The following PCNX2 variants were observed in gnomAD, a reference collection of about 807,000 sequenced individuals.
The protein encoded by PCNX2 is pecanex-like protein 2.
Under a neutral mutation model 223.8 loss-of-function variants are expected in PCNX2, and 168 were observed. The observed-to-expected ratio is 0.75, with a 90% CI of 0.66 to 0.85. The LOEUF is 0.85. PCNX2 is among the 40% of genes least tolerant of loss of function. The pLI is 0.00. For synonymous variants in PCNX2, 1,006 were observed against 1,052.6 expected, an observed-to-expected ratio of 0.96 and a Z score of 0.86; for missense variants, 2,507 against 2,675.5, an observed-to-expected ratio of 0.94 and a Z score of 1.39.
In PCNX2 at chr1:233,295,418, A is replaced by T; in HGVS notation, c.61T>A (p.Trp21Arg). 2 of 1,552,462 alleles carry T rather than the reference A, an allele frequency of 1.3e-6. No individual in the cohort carries two copies. The highest frequency in any genetic ancestry group is 1.7e-6 in the Non-Finnish European group (2 of 1,147,522). Residue 21 changes from tryptophan (W) to arginine (R), a missense_variant, in exon 1 of 34, where the codon TGG becomes AGG. Physicochemically the swap from Trp to Arg is moderately radical, Grantham distance 101. Coordinates refer to ENST00000258229, the MANE Select transcript of PCNX2 (RefSeq NM_014801.4). This position sits in a 1 kb window ranked among gnomAD's most constrained non-coding sequence, Gnocchi z 4.1. ...TTGCTCTGCTCCGGGTCGTGGTACC[A>T]GCCCCCGGTGAGCGCGGCCCACACG... is the stretch of plus-strand genomic sequence containing the variant. ...QGVWAALTGG[W>R]YHDPEQSKFT... is the part of the protein sequence containing the mutation.
intron 21 of PCNX2, among the ~76,000 whole-genome samples, chr1:233,132,271 G>A (rs771528434): frequency 5.9e-5 from 9 of 152,006 alleles, no homozygotes; most frequent in Non-Finnish European, 1.0e-4. Context: ...CCTAGATCAC[G>A]TCCTTGTCAG....
intron 23 of PCNX2, among the ~76,000 whole-genome samples, chr1:233,063,218 A>G (rs1202690755): frequency 6.6e-6 from 1 of 151,996 alleles, no homozygotes; most frequent in Non-Finnish European, 1.5e-5. Context: ...CCTGGGAGAC[A>G]GAGCAAGACT....
At chr1:233,194,268 A>G (rs1034388846) in intron 15 of PCNX2, among the ~76,000 whole-genome samples, 6 of 152,172 alleles carry the variant, frequency 3.9e-5, no homozygotes, top group Admixed American at 2.0e-4. Flanking sequence ...AGGGGAAAAA[A>G]GCTTTTAAGC....
intron 12 of PCNX2, among the ~76,000 whole-genome samples, chr1:233,211,574 A>T (rs1213999048): frequency 6.6e-6 from 1 of 152,154 alleles, no homozygotes; most frequent in African/African-American, 2.4e-5. Flanking sequence ...TGAGAAGCAT[A>T]TACTATTCTC....
intron 15 of PCNX2, among the ~76,000 whole-genome samples, chr1:233,184,466 G>A (rs1037840160): frequency 6.6e-6 from 1 of 152,030 alleles, no homozygotes; most frequent in Non-Finnish European, 1.5e-5. Context: ...ACCCATGATG[G>A]ATGGTCTTTG....
Position 233,054,388 on chromosome 1 carries a change from C to T in PCNX2, c.4231G>A (p.Gly1411Ser), listed in dbSNP as rs1450154486. The change falls in exon 25 of 34, where the codon GGC (glycine) becomes AGC (serine). Residue 1411 changes from glycine (G) to serine (S), a missense_variant. Coordinates refer to ENST00000258229, the MANE Select transcript of PCNX2 (RefSeq NM_014801.4). ...LCGDLVLGRW[G>S]NYSSGDCFIL... ...AAGCAATCGCCAGAGCTGTAGTTGCCCCAACGTCCAAGAACTAAGTCTCCA... is the reference window on the plus strand; with the variant it reads ...AAGCAATCGCCAGAGCTGTAGTTGCTCCAACGTCCAAGAACTAAGTCTCCA... 5 of 1,613,806 alleles carry T rather than the reference C, an allele frequency of 3.1e-6. No individual in the cohort carries two copies. The highest frequency in any genetic ancestry group is 3.3e-5 in the Admixed American group (2 of 60,000).
chr1:233,148,209 T>G (rs2102794847), intron 19 of PCNX2, among the ~76,000 whole-genome samples: 1 of 152,286 alleles, frequency 6.6e-6, no homozygotes, highest in African/African-American at 2.4e-5. Context: ...ATAAAACATT[T>G]CAGGTAAAGA....
At chr1:233,271,716 T>C (rs2103010254) in intron 1 of PCNX2, among the ~76,000 whole-genome samples, 1 of 152,334 alleles carries the variant, frequency 6.6e-6, no homozygotes, top group Non-Finnish European at 1.5e-5. Context: ...CCCAGCACCA[T>C]TTGTTGAATA....
At chr1:233,175,972 A>G (rs1236696917) in intron 17 of PCNX2, among the ~76,000 whole-genome samples, 1 of 152,208 alleles carries the variant, frequency 6.6e-6, no homozygotes, top group Non-Finnish European at 1.5e-5. Flanking sequence ...CTGCAATTAA[A>G]TTCATCGAAA....
intron 15 of PCNX2, among the ~76,000 whole-genome samples, chr1:233,183,964 T>C (rs1352898141): frequency 6.6e-6 from 1 of 152,258 alleles, no homozygotes; most frequent in African/African-American, 2.4e-5. Context: ...CACCCTGCTC[T>C]GTCCATCCAC....
chr1:233,144,077 A>G (rs1400472558), intron 19 of PCNX2, among the ~76,000 whole-genome samples: 1 of 152,116 alleles, frequency 6.6e-6, no homozygotes, highest in Non-Finnish European at 1.5e-5. Context: ...GCTACTTGGG[A>G]GGCTGAAGTA....
At chr1:233,080,829 C>A (rs1463608820) in intron 23 of PCNX2, among the ~76,000 whole-genome samples, 1 of 152,170 alleles carries the variant, frequency 6.6e-6, no homozygotes, top group Non-Finnish European at 1.5e-5. Flanking sequence ...CAAAGTGAAT[C>A]TCATGCATTT....
At chr1:233,237,798 C>T (rs1658507763) in intron 8 of PCNX2, among the ~76,000 whole-genome samples, 2 of 152,112 alleles carry the variant, frequency 1.3e-5, no homozygotes, top group Admixed American at 6.5e-5. Flanking sequence ...GAGGTCCTTC[C>T]CTAGCCCCAG....
chr1:233,117,117 T>C (rs1675458038), intron 21 of PCNX2, among the ~76,000 whole-genome samples: 1 of 152,154 alleles, frequency 6.6e-6, no homozygotes, highest in South Asian at 2.1e-4. Context: ...TAAATATCCC[T>C]ACAACTATTA....
intron 1 of PCNX2, among the ~76,000 whole-genome samples, chr1:233,286,169 G>C (rs1661434724): frequency 6.6e-6 from 1 of 152,200 alleles, no homozygotes; most frequent in South Asian, 2.1e-4. Context: ...TTTTTGGAAA[G>C]GCCTGCTGGT....
At chr1:233,010,733 T>TC (rs1176580936) in intron 28 of PCNX2, among the ~76,000 whole-genome samples, 1 of 152,228 alleles carries the variant, frequency 6.6e-6, no homozygotes, top group Non-Finnish European at 1.5e-5. Flanking sequence ...ATGAACCCAT[T>TC]CCATCTCCAT....
At chr1:233,154,895 C>G (rs1678021513) in intron 19 of PCNX2, among the ~76,000 whole-genome samples, 1 of 151,916 alleles carries the variant, frequency 6.6e-6, no homozygotes. Context: ...ATAGTGAAAC[C>G]CTGTCTCTAC....
chr1:233,207,720 T>C (rs1267323560), intron 13 of PCNX2, among the ~76,000 whole-genome samples: 1 of 152,192 alleles, frequency 6.6e-6, no homozygotes, highest in Non-Finnish European at 1.5e-5. Context: ...CCATCAGCAG[T>C]TTGGCTCCAG....
chr1:233,144,942 G>GTT (rs1399149926), intron 19 of PCNX2, among the ~76,000 whole-genome samples: 3 of 138,146 alleles, frequency 2.2e-5, no homozygotes, highest in African/African-American at 8.2e-5. Flanking sequence ...ATTTGTTGTT[G>GTT]TTGTTGTTTT....
Sources: gnomAD v4.1 joint callset for allele counts (sites outside exome capture counted in the v4.1 genomes callset) on GRCh38, gnomAD v4.1.1 for gene constraint, Gnocchi (gnomAD v3.1) non-coding constraint, MANE v1.5 for transcripts, NCBI Gene and HGNC (gene_info 2026-07-23, HGNC 2026-07-21) for gene names.